Variants in SIN3B observed in about 807,000 individuals in gnomAD.
SIN3B encodes paired amphipathic helix protein Sin3b.
In SIN3B, 19 loss-of-function variants were observed where a neutral mutation model predicts 120.2. The ratio of observed to expected loss-of-function variants is 0.16; its 90% CI spans 0.11 to 0.23. The LOEUF (loss-of-function observed/expected upper bound fraction) is 0.23. Ranked by LOEUF, SIN3B falls within the 10% of genes least tolerant of loss-of-function variation. The pLI, the probability that SIN3B is intolerant of heterozygous loss-of-function variation, is 1.00. For missense variants in SIN3B, 1,073 were observed against 1,573.0 expected (o/e 0.68, Z 5.38); for synonymous variants, 654 against 653.2 (o/e 1.00, Z -0.02).
At chr19:16,877,910 G>A (rs1302829352) in intron 17 of SIN3B, among the ~76,000 whole-genome samples, 1 of 152,224 alleles carries the variant, frequency 6.6e-6, no homozygotes, top group African/African-American at 2.4e-5. Flanking sequence ...GGGAGACGCT[G>A]CCAGAGCTGG....
Position 16,871,392 on chromosome 19 carries a change from G to T in SIN3B, c.2586G>T (p.Ala862=). 1 of 1,603,338 alleles carries T rather than the reference G, an allele frequency of 6.2e-7. No individual in the cohort carries two copies. The highest frequency in any genetic ancestry group is 8.5e-7 in the Non-Finnish European group (1 of 1,173,590). Residue 862 remains alanine, a synonymous_variant, in exon 14 of 19, where the codon GCG becomes GCT. Transcript: ENST00000248054. ...FTMDKLVQNI[A]RQLHHLVSDD... ...TGGACAAGCTGGTGCAGAACATTGC[G>T]CGGCAGGTGAGCCGGGCCGGGGTGG...
At chr19:16,865,690 C>G in intron 11 of SIN3B, 42 bp downstream of exon 11, 1 of 1,287,736 alleles carries the variant, frequency 7.8e-7, no homozygotes, top group Non-Finnish European at 1.1e-6. Flanking sequence ...TTCCCCTTCC[C>G]CCTTCCCTCC....
In SIN3B at chr19:16,842,312, A is replaced by G. The variant is rs1971428168; in HGVS notation, c.582+344A>G. Among the ~76,000 whole-genome samples the G allele has an allele frequency of 3.3e-5, 5 of 151,870 alleles. No individual in the cohort carries two copies. In the South Asian group the frequency reaches 1.0e-3, roughly 32 times the overall value. On this transcript the variant is annotated intron_variant, in intron 4 of 18. Transcript: ENST00000248054. ...GAGACAGGGTTTTGCCATGTTGCTC[A>G]GGCTGGTCTTGAACTCCTGAACTCA...
intron 14 of SIN3B, among the ~76,000 whole-genome samples, chr19:16,874,652 G>T (rs1010603955): frequency 4.0e-5 from 6 of 151,516 alleles, no homozygotes; most frequent in African/African-American, 1.5e-4. Context: ...GATCTGATCT[G>T]GCCTGGTTTG....
Position 16,870,157 on chromosome 19 carries a change from A to T in SIN3B, c.2422+82A>T. ...AGCTCATGATCTGACATGTCCTGTT[A>T]CTTTTCTTTCTGGCTTTTCATTTTA... On this transcript the variant is annotated intron_variant, in intron 13 of 18. Coordinates refer to ENST00000248054, the MANE Select transcript of SIN3B (RefSeq NM_001297595.2). 3.7e-6 allele frequency: 5 copies of T among 1,334,792 alleles called. No individual in the cohort carries two copies. In the South Asian group the frequency reaches 7.6e-5, roughly 20 times the overall value. 82.7% of individuals were successfully genotyped at this position (1,334,792 alleles called of 1,614,324 possible).
intron 12 of SIN3B, 81 bp downstream of exon 12, chr19:16,866,637 C>G: frequency 1.4e-6 from 2 of 1,415,910 alleles, no homozygotes; most frequent in South Asian, 2.3e-5. Context: ...CTCTGTTTCC[C>G]TGGTGGTTAG....
chr19:16,858,941 T>C (rs1205378281), intron 8 of SIN3B, among the ~76,000 whole-genome samples: 1 of 151,696 alleles, frequency 6.6e-6, no homozygotes. Context: ...CAGAGCAAGC[T>C]GTCTCAAAAA....
intron 14 of SIN3B, among the ~76,000 whole-genome samples, chr19:16,875,044 GGT>G (rs1307841323): frequency 3.4e-5 from 5 of 146,986 alleles, no homozygotes; most frequent in African/African-American, 1.0e-4. Flanking sequence ...GGTCTGGTCT[GGT>G]TTTGGTCTGG....
intron 3 of SIN3B, among the ~76,000 whole-genome samples, chr19:16,837,572 G>A (rs560161232): frequency 1.8e-3 from 279 of 152,060 alleles, no homozygotes; most frequent in Non-Finnish European, 3.0e-3. Context: ...CCCAAGTGAT[G>A]GGGACTGAGT....
At chr19:16,859,576 T>A (rs1971659838) in intron 8 of SIN3B, among the ~76,000 whole-genome samples, 1 of 152,138 alleles carries the variant, frequency 6.6e-6, no homozygotes, top group African/African-American at 2.4e-5. Flanking sequence ...GTTGGGGTGA[T>A]CTTTTCAGTG....
chr19:16,830,126 G>T (rs1971261029), intron 2 of SIN3B, among the ~76,000 whole-genome samples: 2 of 152,232 alleles, frequency 1.3e-5, no homozygotes, highest in Non-Finnish European at 2.9e-5. Flanking sequence ...TCTGGGGGGA[G>T]GCAGGGAGGG....
In SIN3B at chr19:16,876,578, G is replaced by C; in HGVS notation, c.2859G>C (p.Gln953His). ...EAQTEDPVEVQHLARYVEQYV... is the reference protein window; with the variant it reads ...EAQTEDPVEVHHLARYVEQYV... ...AGACGGAGGACCCTGTGGAGGTCCA[G>C]GTGAGGCCCTGGCCCCAGTCTGTGC... Residue 953 changes from glutamine to histidine, a missense_variant and splice_region_variant, in exon 16 of 19, where the codon CAG becomes CAC. Transcript: ENST00000248054. This position sits in a 1 kb window ranked among gnomAD's most constrained non-coding sequence, Gnocchi z 7.1. The C allele has an allele frequency of 6.2e-7, 1 of 1,611,866 alleles. No individual in the cohort carries two copies. Among genetic ancestry groups the C allele is most frequent in the Non-Finnish European group, 8.5e-7 (1 of 1,178,726 alleles).
At chr19:16,878,121 C>T (rs1253362421) in intron 17 of SIN3B, 62 bp from the exon 18 acceptor site, 2 of 1,396,246 alleles carry the variant, frequency 1.4e-6, no homozygotes, top group African/African-American at 1.4e-5. Context: ...GTTTCCCAGC[C>T]TGCAAATCCT....
At chr19:16,865,375 C>A in intron 10 of SIN3B, 35 bp from the exon 11 acceptor site, 2 of 1,502,178 alleles carry the variant, frequency 1.3e-6, no homozygotes, top group South Asian at 1.1e-5. Context: ...TTGAGTTCCC[C>A]AGTGGCTGAC....
Position 16,869,792 on chromosome 19 carries a change from G to C in SIN3B, c.2139G>C (p.Lys713Asn), listed in dbSNP as rs774271087. 1 of 1,613,632 alleles carries C rather than the reference G, an allele frequency of 6.2e-7. No individual in the cohort carries two copies. The highest frequency in any genetic ancestry group is 2.2e-5 in the East Asian group (1 of 44,882). ...PGPHSSPPEE[K>N]GAFGDAPATE... Reference sequence around the variant, plus strand: ...CCCACAGTAGCCCCCCAGAGGAGAAGGGGGCCTTCGGGGATGCCCCGGCCA... The same window carrying C: ...CCCACAGTAGCCCCCCAGAGGAGAACGGGGCCTTCGGGGATGCCCCGGCCA... The change falls in exon 13 of 19, where the codon AAG becomes AAC. Residue 713 changes from lysine to asparagine, a missense_variant. Lys to Asn is a moderately conservative substitution (Grantham distance 94). Transcript: ENST00000248054.
chr19:16,858,978 C>G (rs1383259394), intron 8 of SIN3B, among the ~76,000 whole-genome samples: 1 of 151,914 alleles, frequency 6.6e-6, no homozygotes, highest in East Asian at 1.9e-4. Flanking sequence ...AATGACCAGC[C>G]TGGGCAACAT....
chr19:16,848,431 T>G (rs1033012485), intron 5 of SIN3B, among the ~76,000 whole-genome samples: 3 of 151,670 alleles, frequency 2.0e-5, no homozygotes, highest in Admixed American at 1.3e-4. Flanking sequence ...TCCAGGTTTT[T>G]TTTTTTTTTT....
chr19:16,859,562 A>C (rs1971659558), intron 8 of SIN3B, among the ~76,000 whole-genome samples: 1 of 152,058 alleles, frequency 6.6e-6, no homozygotes, highest in Admixed American at 6.6e-5. Flanking sequence ...TCAGGCATGC[A>C]CGTGTTGGGG....
chr19:16,880,211 C>G lies in SIN3B; in HGVS notation c.*1484C>G, dbSNP rs1052160785. ...AGCCCCTCCTCCCAGTATTCCCATC[C>G]CCGCATGCTTCTAGGGAGCGCCTCT... On this transcript the variant is annotated 3_prime_UTR_variant, in exon 19 of 19. Coordinates refer to ENST00000248054, the MANE Select transcript of SIN3B (RefSeq NM_001297595.2). 1 of 152,278 alleles carries G rather than the reference C, an allele frequency of 6.6e-6. No individual in the cohort carries two copies. The highest frequency in any genetic ancestry group is 6.5e-5 in the Admixed American group (1 of 15,288). 9.4% of individuals were successfully genotyped at this position (152,278 alleles called of 1,614,324 possible). A position where few individuals can be genotyped will look rare whatever the true frequency, so the allele number is the denominator to read the frequency against.
Sources: gnomAD v4.1 joint callset for allele counts (sites outside exome capture counted in the v4.1 genomes callset) on GRCh38, gnomAD v4.1.1 for gene constraint, Gnocchi (gnomAD v3.1) non-coding constraint, MANE v1.5 for transcripts, NCBI Gene and HGNC (gene_info 2026-07-23, HGNC 2026-07-21) for gene names.